ODF2: variants seen among roughly 807,000 people sequenced by gnomAD.
ODF2 encodes outer dense fiber of sperm tails 2, also known as outer dense fiber protein 2.
In ODF2, 47 loss-of-function variants were observed where a neutral mutation model predicts 110.2. The observed-to-expected ratio is 0.43, with a 90% CI of 0.34 to 0.54. ODF2 has a LOEUF of 0.54. ODF2 is among the 20% of genes least tolerant of loss of function. The pLI is 0.03. For missense variants in ODF2, 812 were observed against 1,054.5 expected, an observed-to-expected ratio of 0.77 and a Z score of 3.19; for synonymous variants, 352 against 397.7, an observed-to-expected ratio of 0.89 and a Z score of 1.37.
chr9:128,482,967 C>A, intron 10 of ODF2, 80 bp downstream of exon 10: 1 of 1,080,770 alleles, frequency 9.3e-7, no homozygotes, highest in Non-Finnish European at 1.3e-6. Flanking sequence ...GCGATCTCAG[C>A]TCGCTGCAAC....
chr9:128,495,890 G>A, intron 17 of ODF2, 151 bp from the exon 18 acceptor site: 2 of 840,758 alleles, frequency 2.4e-6, no homozygotes, highest in South Asian at 3.2e-5. Flanking sequence ...TGTCCCTGCT[G>A]TCCTTTCTCC....
At chr9:128,467,836 A>C (rs1838676850) in intron 4 of ODF2, among the ~76,000 whole-genome samples, 1 of 151,938 alleles carries the variant, frequency 6.6e-6, no homozygotes, top group African/African-American at 2.4e-5. Flanking sequence ...AAAATATTTA[A>C]AAAGCTGAGA....
intron 10 of ODF2, 141 bp from the exon 11 acceptor site, chr9:128,483,797 A>T: frequency 1.5e-6 from 1 of 687,016 alleles, no homozygotes; most frequent in East Asian, 2.8e-5. Flanking sequence ...GAGGCGGGAG[A>T]ATCGCTGGAG....
In ODF2 at chr9:128,494,666, C is replaced by G. The variant is rs1467401639; in HGVS notation, c.1909C>G (p.Arg637Gly). 7 of 1,614,058 alleles carry G rather than the reference C, an allele frequency of 4.3e-6. No homozygotes were observed. The highest frequency in any genetic ancestry group is 5.9e-6 in the Non-Finnish European group (7 of 1,180,052). ...AGCCATCATATCAGACCTGCGCAGCCGGGTAAGGGACTGGCAGAAAGGGTC... is the reference window on the plus strand; with the variant it reads ...AGCCATCATATCAGACCTGCGCAGCGGGGTAAGGGACTGGCAGAAAGGGTC... The change falls in exon 17 of 21, where the codon CGG (arginine) becomes GGG (glycine). Residue 637 changes from arginine to glycine, a missense_variant and splice_region_variant. Arg to Gly is a moderately radical substitution (Grantham distance 125). Transcript: ENST00000604420. The surrounding 1 kb of genome is among the most constrained non-coding windows in gnomAD (Gnocchi z 4.6).
chr9:128,483,062 A>T (rs1257216551), intron 10 of ODF2, among the ~76,000 whole-genome samples, 175 bp downstream of exon 10: 3 of 151,944 alleles, frequency 2.0e-5, no homozygotes, highest in Non-Finnish European at 2.9e-5. Flanking sequence ...CGCCCAGCTA[A>T]TTTTTGTATT....
intron 7 of ODF2, 58 bp from the exon 8 acceptor site, chr9:128,473,552 G>A (rs949312309): frequency 6.2e-6 from 10 of 1,601,674 alleles, no homozygotes; most frequent in Admixed American, 1.7e-5. Flanking sequence ...GAGTGCCCAT[G>A]GGGCCTGCTT....
chr9:128,469,559 C>T, intron 5 of ODF2: 1 of 584,852 alleles, frequency 1.7e-6, no homozygotes, highest in Non-Finnish European at 3.0e-6. Context: ...CTCTATTGAG[C>T]ATGTAGCTGT....
chr9:128,471,535 C>G, intron 6 of ODF2, 67 bp downstream of exon 6: 1 of 1,535,914 alleles, frequency 6.5e-7, no homozygotes, highest in Admixed American at 2.1e-5. Context: ...GAGCCCTGGG[C>G]AATAATGGAA....
intron 1 of ODF2, chr9:128,456,475 T>G: frequency 6.6e-7 from 1 of 1,522,138 alleles, no homozygotes; most frequent in Non-Finnish European, 8.8e-7. Context: ...GCCGCCTCCT[T>G]CCTCTCTTGG....
In ODF2 at chr9:128,468,894, C is replaced by T. The variant is rs975006993; in HGVS notation, c.250-289C>T. 5.1e-4 allele frequency: 158 copies of T among 309,606 alleles called. 1 individual carries two copies. Among genetic ancestry groups the T allele is most frequent in the African/African-American group, 1.5e-3 (70 of 45,788 alleles). The allele number at this position is 309,606 out of a possible 1,614,324, so 19.2% of individuals were successfully genotyped here. On this transcript the variant is annotated intron_variant, in intron 4 of 20. Transcript: ENST00000604420. ...TGAGGCTGGTTTTGGCTTCCCGCCT[C>T]GGCCTCCCAATATACTGGTTTTACA...
chr9:128,461,101 G>A, intron 4 of ODF2, 34 bp downstream of exon 4: 1 of 1,606,324 alleles, frequency 6.2e-7, no homozygotes, highest in South Asian at 1.1e-5. Context: ...TTTCTTCTCG[G>A]ACTGCTCAGA....
At chr9:128,492,108 G>A (rs1255845903) in intron 14 of ODF2, among the ~76,000 whole-genome samples, 2 of 151,742 alleles carry the variant, frequency 1.3e-5, no homozygotes, top group African/African-American at 2.4e-5. Flanking sequence ...CTTGTGATCC[G>A]CCCACCTCGG....
chr9:128,458,875 C>G (rs1461942590), intron 2 of ODF2, among the ~76,000 whole-genome samples: 1 of 151,934 alleles, frequency 6.6e-6, no homozygotes, highest in Non-Finnish European at 1.5e-5. Context: ...AACGGGGTCT[C>G]CCTCTGCCAC....
chr9:128,468,057 C>T (rs759021029), intron 4 of ODF2, among the ~76,000 whole-genome samples: 8 of 152,016 alleles, frequency 5.3e-5, no homozygotes, highest in East Asian at 1.9e-4. Flanking sequence ...CAATACTTTC[C>T]AGGTATTGTA....
chr9:128,492,526 A>G (rs140632297), exon 15 of ODF2: 26 of 1,612,314 alleles, frequency 1.6e-5, no homozygotes, highest in East Asian at 2.2e-5. Context: ...ATTGACAACT[A>G]TAAGAGTCAG....
At chr9:128,484,278 G>A (rs767511713) in intron 11 of ODF2, among the ~76,000 whole-genome samples, 27 of 152,214 alleles carry the variant, frequency 1.8e-4, no homozygotes, top group Non-Finnish European at 3.7e-4. Flanking sequence ...ACGGGGTTGC[G>A]TGCCATGCCC....
chr9:128,478,221 C>T (rs187957553), intron 8 of ODF2, among the ~76,000 whole-genome samples: 30 of 152,278 alleles, frequency 2.0e-4, no homozygotes, highest in African/African-American at 7.0e-4. Context: ...TGGTCTTGAA[C>T]GCCTGACCTC....
At position 128,498,395 on chromosome 9, in the gene ODF2, T is replaced by C. The variant is rs1285000154; in HGVS notation, c.2013-18T>C. The C allele has an allele frequency of 6.4e-7, 1 of 1,560,908 alleles. No homozygotes were observed. The highest frequency in any genetic ancestry group is 8.7e-7 in the Non-Finnish European group (1 of 1,153,698). On this transcript the variant is annotated intron_variant, in intron 18 of 20. Transcript: ENST00000604420. ...AGGTTGGGGTATGCCCAGGATCTGA[T>C]TGAGTGCTTTCACCTAGGAAACTGG...
intron 14 of ODF2, among the ~76,000 whole-genome samples, chr9:128,488,424 C>CA (rs1345435856): frequency 6.6e-6 from 1 of 151,892 alleles, no homozygotes; most frequent in Non-Finnish European, 1.5e-5. Context: ...GACTCTGTGT[C>CA]AAAAAAGAAA....
Sources: gnomAD v4.1 joint callset for allele counts (sites outside exome capture counted in the v4.1 genomes callset) on GRCh38, gnomAD v4.1.1 for gene constraint, Gnocchi (gnomAD v3.1) non-coding constraint, MANE v1.5 for transcripts, NCBI Gene and HGNC (gene_info 2026-07-23, HGNC 2026-07-21) for gene names.